Variants in PDZRN3 observed in about 807,000 individuals in gnomAD.
The protein encoded by PDZRN3 is E3 ubiquitin-protein ligase PDZRN3.
PDZRN3 carries 38 observed loss-of-function variants against 85.7 expected under a neutral mutation model. That is an observed-to-expected ratio of 0.44 (90% CI 0.34 to 0.58). The LOEUF (loss-of-function observed/expected upper bound fraction) is 0.58, where lower values mean the gene tolerates loss of function less well. Ranked by LOEUF, PDZRN3 falls within the 20% of genes least tolerant of loss-of-function variation. The pLI is 0.01. For synonymous variants in PDZRN3, 759 were observed against 638.0 expected, an observed-to-expected ratio of 1.19 and a Z score of -2.86; for missense variants, 1,629 against 1,506.4, an observed-to-expected ratio of 1.08 and a Z score of -1.35.
In PDZRN3 at chr3:73,383,829, T is replaced by C. The variant is rs780981795; in HGVS notation, c.2737A>G (p.Thr913Ala). The C allele has an allele frequency of 1.9e-6, 3 of 1,613,536 alleles. No individual in the cohort carries two copies. Among genetic ancestry groups the C allele is most frequent in the Admixed American group, 3.3e-5 (2 of 60,022 alleles). Residue 913 changes from threonine to alanine, a missense_variant, in exon 10 of 10, where the codon ACC becomes GCC. Physicochemically the swap from Thr to Ala is moderately conservative, Grantham distance 58 (BLOSUM62 0). Coordinates refer to ENST00000263666, the MANE Select transcript of PDZRN3 (RefSeq NM_015009.3). ...VSMCKDLSSP[T>A]PSEPRMEWKV... ...CACTCCATGCGCGGCTCCGACGGGGTGGGAGAGCTCAGGTCCTTGCACATG... is the reference window on the plus strand; with the variant it reads ...CACTCCATGCGCGGCTCCGACGGGGCGGGAGAGCTCAGGTCCTTGCACATG...
At chr3:73,564,042 T>G (rs1701893915) in intron 3 of PDZRN3, among the ~76,000 whole-genome samples, 1 of 152,178 alleles carries the variant, frequency 6.6e-6, no homozygotes, top group Non-Finnish European at 1.5e-5. Context: ...CGGTTGCTGG[T>G]TTAGAGGCTG....
intron 3 of PDZRN3, among the ~76,000 whole-genome samples, chr3:73,436,990 T>A (rs755552164): frequency 1.4e-5 from 2 of 145,644 alleles, no homozygotes; most frequent in Non-Finnish European, 3.0e-5. Flanking sequence ...AGGTTGCAGT[T>A]AGCCAAGATG....
intron 3 of PDZRN3, among the ~76,000 whole-genome samples, chr3:73,453,433 AAAAC>A (rs1702914199): frequency 6.6e-6 from 1 of 150,646 alleles, no homozygotes; most frequent in Non-Finnish European, 1.5e-5. Context: ...ACAAAAAAAA[AAAAC>A]AAAGAAAGAA....
chr3:73,551,285 GAAGAAAAGGAGGGAACC>G (rs1701548052), intron 3 of PDZRN3, among the ~76,000 whole-genome samples: 1 of 152,208 alleles, frequency 6.6e-6, no homozygotes, highest in African/African-American at 2.4e-5. Context: ...GGTATAGAAA[GAAGAAAAGGAGGGAACC>G]AAGAAAAGTC....
At chr3:73,441,562 C>T (rs1430087063) in intron 3 of PDZRN3, among the ~76,000 whole-genome samples, 2 of 151,976 alleles carry the variant, frequency 1.3e-5, no homozygotes, top group African/African-American at 4.8e-5. Flanking sequence ...GGTGATGATA[C>T]GGTCAGGACG....
chr3:73,512,197 T>C (rs1704178595), intron 3 of PDZRN3, among the ~76,000 whole-genome samples: 2 of 152,224 alleles, frequency 1.3e-5, no homozygotes, highest in African/African-American at 4.8e-5. Flanking sequence ...TCAGTTCTGA[T>C]TAAAAGCTAG....
intron 3 of PDZRN3, among the ~76,000 whole-genome samples, chr3:73,454,888 CTTCA>C (rs1702947620): frequency 6.6e-6 from 1 of 151,248 alleles, no homozygotes; most frequent in South Asian, 2.1e-4. Flanking sequence ...TTTAAAGTTT[CTTCA>C]TTTTTTTTTT....
chr3:73,569,445 A>C, intron 3 of PDZRN3: 1 of 1,137,634 alleles, frequency 8.8e-7, no homozygotes, highest in Non-Finnish European at 1.1e-6. Context: ...CGTTCTCTTA[A>C]GCCCCGAGGC....
chr3:73,605,529 T>C (rs1487743751), intron 2 of PDZRN3, among the ~76,000 whole-genome samples: 3 of 152,176 alleles, frequency 2.0e-5, no homozygotes, highest in Non-Finnish European at 4.4e-5. Flanking sequence ...ATACTGATCA[T>C]GCAATGAAAA....
At chr3:73,415,158 G>A (rs892018330) in intron 3 of PDZRN3, among the ~76,000 whole-genome samples, 3 of 152,186 alleles carry the variant, frequency 2.0e-5, no homozygotes, top group African/African-American at 7.2e-5. Context: ...AGGATGCTAG[G>A]AATCCCACTA....
intron 3 of PDZRN3, among the ~76,000 whole-genome samples, chr3:73,453,415 A>AC (rs1702910458): frequency 8.9e-5 from 12 of 134,838 alleles, no homozygotes; most frequent in African/African-American, 2.7e-4. Flanking sequence ...AAAAAAAAAA[A>AC]AAAAAAAACA....
At chr3:73,461,078 G>A (rs1304408871) in intron 3 of PDZRN3, among the ~76,000 whole-genome samples, 1 of 152,114 alleles carries the variant, frequency 6.6e-6, no homozygotes, top group Non-Finnish European at 1.5e-5. Context: ...ACAGGCATGA[G>A]CCACCGTACC....
chr3:73,487,625 C>A lies in PDZRN3; in HGVS notation c.919-83230G>T, dbSNP rs141470100. On this transcript the variant is annotated intron_variant, in intron 3 of 9. Coordinates refer to ENST00000263666, the MANE Select transcript of PDZRN3 (RefSeq NM_015009.3). Reference sequence around the variant, plus strand: ...TTCTTCTCTGGCTAAAACTTACTTTCTTTTTTTTCCCCCATAAATTTGGGA... The same window carrying A: ...TTCTTCTCTGGCTAAAACTTACTTTATTTTTTTTCCCCCATAAATTTGGGA... Among the ~76,000 whole-genome samples the A allele has an allele frequency of 3.2e-3, 490 of 152,166 alleles. 3 individuals are homozygous for A. The highest frequency in any genetic ancestry group is 0.011 in the African/African-American group (477 of 41,512).
At chr3:73,530,825 A>T (rs1409918303) in intron 3 of PDZRN3, among the ~76,000 whole-genome samples, 1 of 152,234 alleles carries the variant, frequency 6.6e-6, no homozygotes, top group Non-Finnish European at 1.5e-5. Flanking sequence ...CAGCATATTG[A>T]CAACTCTTCT....
Position 73,624,722 on chromosome 3 carries a change from T to A in PDZRN3, c.104A>T (p.His35Leu). ...LEDPLTTPCG[H>L]VFCAGCVLPW... ...CAGCACGCAGCCGGCGCAGAAGACGTGGCCGCACGGCGTGGTCAGCGGGTC... is the reference window on the plus strand; with the variant it reads ...CAGCACGCAGCCGGCGCAGAAGACGAGGCCGCACGGCGTGGTCAGCGGGTC... Residue 35 changes from histidine to leucine, a missense_variant, in exon 1 of 10, where the codon CAC becomes CTC. Physicochemically the swap from His to Leu is moderately conservative, Grantham distance 99 (BLOSUM62 -3). Coordinates refer to ENST00000263666, the MANE Select transcript of PDZRN3 (RefSeq NM_015009.3). 6.5e-7 allele frequency: 1 copy of A among 1,529,948 alleles called. No individual in the cohort carries two copies. The highest frequency in any genetic ancestry group is 1.4e-5 in the African/African-American group (1 of 70,368). 94.8% of individuals were successfully genotyped at this position (1,529,948 alleles called of 1,614,324 possible).
intron 3 of PDZRN3, among the ~76,000 whole-genome samples, chr3:73,552,982 T>A (rs1344996274): frequency 2.0e-5 from 3 of 152,068 alleles, no homozygotes; most frequent in South Asian, 4.1e-4. Context: ...GATTCCCTGG[T>A]GAGGAGAGGA....
chr3:73,555,186 A>G (rs1383281629), intron 3 of PDZRN3, among the ~76,000 whole-genome samples: 1 of 152,114 alleles, frequency 6.6e-6, no homozygotes, highest in Non-Finnish European at 1.5e-5. Context: ...TACCATAATC[A>G]CTGACATTTT....
intron 3 of PDZRN3, among the ~76,000 whole-genome samples, chr3:73,530,196 A>G (rs1259700833): frequency 6.6e-6 from 1 of 152,222 alleles, no homozygotes; most frequent in African/African-American, 2.4e-5. Context: ...TGTCAGCCTG[A>G]AGTTAACGCT....
At chr3:73,581,337 A>C (rs1036941107) in intron 3 of PDZRN3, among the ~76,000 whole-genome samples, 5 of 152,260 alleles carry the variant, frequency 3.3e-5, no homozygotes, top group African/African-American at 4.8e-5. Context: ...TTTGGAAGAC[A>C]CATCTTTCAA....
Sources: allele counts gnomAD v4.1 joint callset (sites outside exome capture counted in the v4.1 genomes callset), GRCh38; gene constraint gnomAD v4.1.1; transcripts MANE v1.5; gene names NCBI Gene and HGNC (gene_info 2026-07-23, HGNC 2026-07-21).